PCDHGA4: variants seen among roughly 807,000 people sequenced by gnomAD.
PCDHGA4 encodes protocadherin gamma subfamily A, 4, also known as protocadherin gamma-A4.
In PCDHGA4, 38 loss-of-function variants were observed where a neutral mutation model predicts 54.6. The ratio of observed to expected loss-of-function variants is 0.70; its 90% CI spans 0.54 to 0.91. The LOEUF (loss-of-function observed/expected upper bound fraction) is 0.91. Ranked by LOEUF, PCDHGA4 falls within the 40% of genes least tolerant of loss-of-function variation. PCDHGA4 has a pLI of 0.00. For synonymous variants in PCDHGA4, 511 were observed against 512.9 expected (o/e 1.00, Z 0.05); for missense variants, 1,298 against 1,220.9 (o/e 1.06, Z -0.94).
At chr5:141,388,831 T>A (rs1300455758) in intron 1 of PCDHGA4, 1 of 1,613,964 alleles carries the variant, frequency 6.2e-7, no homozygotes, top group Non-Finnish European at 8.5e-7. Flanking sequence ...TATTCCATAG[T>A]TTTGGAAGCA....
chr5:141,402,879 C>T, intron 1 of PCDHGA4: 1 of 1,471,232 alleles, frequency 6.8e-7, no homozygotes, highest in Non-Finnish European at 9.0e-7. Flanking sequence ...CCATACTTTG[C>T]AGGGTGGAAG....
chr5:141,357,439 C>T lies in PCDHGA4; in HGVS notation c.2332C>T (p.Arg778Trp), dbSNP rs772687347. The T allele has an allele frequency of 6.2e-7, 1 of 1,614,206 alleles. No homozygotes were observed. Among genetic ancestry groups the T allele is most frequent in the East Asian group, 2.2e-5 (1 of 44,876 alleles). ...GCACTTTGTGGGCGTGGACGGGGTT[C>T]GGGCTTTCCTGCAGACCTATTCCCA... ...ASHFVGVDGV[R>W]AFLQTYSHEV... The change falls in exon 1 of 4, where the codon CGG becomes TGG. Residue 778 changes from arginine to tryptophan, a missense_variant. By Grantham distance (101) the Arg-to-Trp change is moderately radical (BLOSUM62 -3). Coordinates refer to ENST00000571252, the MANE Select transcript of PCDHGA4 (RefSeq NM_018917.4).
intron 1 of PCDHGA4, among the ~76,000 whole-genome samples, chr5:141,443,560 G>A (rs2098394386): frequency 6.6e-6 from 1 of 152,162 alleles, no homozygotes; most frequent in Non-Finnish European, 1.5e-5. Context: ...CAATTCAAAT[G>A]CTTTAAATGG....
rs1761614217 is a variant in PCDHGA4 at position 141,360,492 on chromosome 5, A to G, written c.2514+2871A>G. On this transcript the variant is annotated intron_variant, in intron 1 of 3. Transcript: ENST00000571252. ...AAAATCCACTAAATATTTTCTACAT[A>G]GCAGTAATTGTGCAGGATATAAATG... 2.5e-6 allele frequency: 4 copies of G among 1,613,894 alleles called. No homozygotes were observed. In the Admixed American group the frequency reaches 6.7e-5, roughly 27 times the overall value.
At chr5:141,433,866 T>C (rs1191114798) in intron 1 of PCDHGA4, among the ~76,000 whole-genome samples, 1 of 151,870 alleles carries the variant, frequency 6.6e-6, no homozygotes, top group African/African-American at 2.4e-5. Context: ...CTTTATCCTC[T>C]AGTTTCATCC....
chr5:141,385,507 AG>A, intron 1 of PCDHGA4: 1 of 1,376,812 alleles, frequency 7.3e-7, no homozygotes, highest in Non-Finnish European at 9.4e-7. Flanking sequence ...GTATTTCTTT[AG>A]TGAAAGCCTA....
chr5:141,400,547 CT>C (rs765907405), intron 1 of PCDHGA4: 1 of 1,613,676 alleles, frequency 6.2e-7, no homozygotes, highest in East Asian at 2.2e-5. Context: ...TATGTCTATT[CT>C]TTTTCATTAC....
At chr5:141,409,831 C>A (rs1015263434) in intron 1 of PCDHGA4, 1 of 1,611,128 alleles carries the variant, frequency 6.2e-7, no homozygotes, top group African/African-American at 1.3e-5. Flanking sequence ...CCACGCTCAG[C>A]GCCAACGTGA....
At chr5:141,481,606 C>T (rs2099540144) in intron 1 of PCDHGA4, among the ~76,000 whole-genome samples, 1 of 152,000 alleles carries the variant, frequency 6.6e-6, no homozygotes, top group South Asian at 2.1e-4. Context: ...TCACCTGAGG[C>T]CAGGAGTTCA....
chr5:141,400,454 T>C (rs779993462), intron 1 of PCDHGA4: 1 of 1,614,096 alleles, frequency 6.2e-7, no homozygotes, highest in Non-Finnish European at 8.5e-7. Flanking sequence ...CAAGACATAC[T>C]TTGTGGTGAT....
chr5:141,395,182 C>A (rs143509166), intron 1 of PCDHGA4: 1 of 1,614,114 alleles, frequency 6.2e-7, no homozygotes, highest in South Asian at 1.1e-5. Context: ...AAAAATGATT[C>A]TTTGTTAACA....
At chr5:141,383,976 C>T (rs1438303235) in intron 1 of PCDHGA4, 1 of 1,613,642 alleles carries the variant, frequency 6.2e-7, no homozygotes, top group Non-Finnish European at 8.5e-7. Context: ...TCCCTGAAGA[C>T]ACACCTCTTG....
intron 1 of PCDHGA4, among the ~76,000 whole-genome samples, chr5:141,488,434 C>T (rs1231743982): frequency 2.6e-5 from 4 of 152,166 alleles, no homozygotes; most frequent in African/African-American, 7.2e-5. Flanking sequence ...TGGCCTCTGA[C>T]CACCCTCCTG....
At chr5:141,365,601 T>G in intron 1 of PCDHGA4, 1 of 1,613,644 alleles carries the variant, frequency 6.2e-7, no homozygotes, top group Non-Finnish European at 8.5e-7. Flanking sequence ...ACTTTAACCG[T>G]CATGGACCAT....
intron 1 of PCDHGA4, chr5:141,410,304 T>C (rs1232480024): frequency 6.2e-7 from 1 of 1,614,024 alleles, no homozygotes; most frequent in Non-Finnish European, 8.5e-7. Context: ...TTAATCTCAG[T>C]GCTCTTCCTC....
At chr5:141,367,247 T>C (rs1765012558) in intron 1 of PCDHGA4, 1 of 153,262 alleles carries the variant, frequency 6.5e-6, no homozygotes, top group South Asian at 2.0e-4. Context: ...GTCATAAATA[T>C]CAGAAAAGAG....
chr5:141,438,595 T>TAC (rs2098000070), intron 1 of PCDHGA4, among the ~76,000 whole-genome samples: 6 of 58,022 alleles, frequency 1.0e-4, no homozygotes, highest in African/African-American at 1.8e-4. Context: ...TACATACATA[T>TAC]ATATATATAT....
intron 1 of PCDHGA4, chr5:141,418,387 G>C (rs1172239604): frequency 1.9e-6 from 3 of 1,613,884 alleles, no homozygotes; most frequent in Non-Finnish European, 2.5e-6. Flanking sequence ...GTCCTAACGA[G>C]TATTTCTCAT....
intron 1 of PCDHGA4, chr5:141,417,819 C>T: frequency 3.3e-6 from 5 of 1,513,202 alleles, no homozygotes; most frequent in Non-Finnish European, 3.5e-6. Flanking sequence ...GCACTTTCTC[C>T]AACTGGAAAA....
Sources: gnomAD v4.1 joint callset for allele counts (sites outside exome capture counted in the v4.1 genomes callset) on GRCh38, gnomAD v4.1.1 for gene constraint, MANE v1.5 for transcripts, NCBI Gene and HGNC (gene_info 2026-07-23, HGNC 2026-07-21) for gene names.